Variants in NUSAP1 observed in about 807,000 individuals in gnomAD.
NUSAP1 encodes the protein nucleolar and spindle-associated protein 1.
In NUSAP1, 32 loss-of-function variants were observed where a neutral mutation model predicts 52.8. The observed-to-expected ratio is 0.61, with a 90% CI of 0.46 to 0.81. NUSAP1 has a LOEUF of 0.81. NUSAP1 is among the 40% of genes least tolerant of loss of function. NUSAP1 has a pLI of 0.00. For synonymous variants in NUSAP1, 195 were observed against 183.1 expected (o/e 1.06, Z -0.52); for missense variants, 499 against 522.3 (o/e 0.96, Z 0.43).
chr15:41,350,624 C>T (rs779016266), intron 3 of NUSAP1, among the ~76,000 whole-genome samples: 22 of 152,058 alleles, frequency 1.4e-4, no homozygotes, highest in Non-Finnish European at 3.2e-4. Flanking sequence ...CTTGCCTTGC[C>T]ACATTCTGGG....
At chr15:41,377,556 G>A (rs2049999627) in intron 10 of NUSAP1, among the ~76,000 whole-genome samples, 1 of 151,492 alleles carries the variant, frequency 6.6e-6, no homozygotes, top group Admixed American at 6.6e-5. Context: ...AAAATTAGCT[G>A]GGCATGGTGG....
intron 8 of NUSAP1, among the ~76,000 whole-genome samples, chr15:41,375,364 T>TG (rs2049882552): frequency 6.6e-6 from 1 of 152,020 alleles, no homozygotes; most frequent in Non-Finnish European, 1.5e-5. Flanking sequence ...TTAGTAGAGA[T>TG]GGGGTTTCTC....
chr15:41,365,065 A>C (rs55643943), intron 6 of NUSAP1, among the ~76,000 whole-genome samples: 2,357 of 152,276 alleles, frequency 0.015, 73 homozygotes, highest in African/African-American at 0.055. Flanking sequence ...AAAGATTCCA[A>C]ATGGAGTTAC....
intron 2 of NUSAP1, among the ~76,000 whole-genome samples, chr15:41,343,617 G>C (rs185532099): frequency 5.0e-4 from 76 of 152,178 alleles, no homozygotes; most frequent in African/African-American, 1.8e-3. Context: ...GCCTCCCAAA[G>C]TGCTGGGATT....
chr15:41,360,262 C>G (rs1239614358), intron 6 of NUSAP1, among the ~76,000 whole-genome samples: 2 of 152,076 alleles, frequency 1.3e-5, no homozygotes, highest in Non-Finnish European at 2.9e-5. Context: ...CCTCAGCCTC[C>G]CAAGTACCTG....
chr15:41,349,451 T>A (rs781179158), intron 3 of NUSAP1: 13 of 460,028 alleles, frequency 2.8e-5, no homozygotes, highest in Non-Finnish European at 4.7e-5. Context: ...AGTATTAAGC[T>A]CACATTAAAT....
intron 1 of NUSAP1, among the ~76,000 whole-genome samples, chr15:41,341,836 A>G (rs2048377213): frequency 6.6e-6 from 1 of 152,116 alleles, no homozygotes; most frequent in African/African-American, 2.4e-5. Flanking sequence ...AGTAAAGTTC[A>G]TACTCTTTAA....
chr15:41,350,641 T>C (rs745970797), intron 3 of NUSAP1, among the ~76,000 whole-genome samples: 1 of 152,120 alleles, frequency 6.6e-6, no homozygotes, highest in Non-Finnish European at 1.5e-5. Flanking sequence ...TGGGCCTTAG[T>C]TTTTACTTTT....
At chr15:41,365,634 T>A (rs1225494791) in intron 7 of NUSAP1, 45 bp downstream of exon 7, 3 of 1,464,608 alleles carry the variant, frequency 2.0e-6, no homozygotes, top group Non-Finnish European at 2.7e-6. Context: ...AGATTTCACA[T>A]GGACTATATA....
chr15:41,366,897 T>C (rs1393587461), intron 7 of NUSAP1, among the ~76,000 whole-genome samples: 1 of 152,226 alleles, frequency 6.6e-6, no homozygotes, highest in Non-Finnish European at 1.5e-5. Flanking sequence ...CATACTCATA[T>C]GAATAGGTCT....
chr15:41,380,114 C>T lies in NUSAP1; in HGVS notation c.1254C>T (p.Arg418=), dbSNP rs187207613. 8.2e-6 allele frequency: 13 copies of T among 1,586,164 alleles called. No homozygotes were observed. The highest frequency in any genetic ancestry group is 5.4e-5 in the Admixed American group (3 of 55,442). ...TCAGGGAAGAGCAACGGAAGAAACG[C>T]GAGCAAGAACGAAAGGAGAAGAAAG... ...LQTKEEQRKK[R]EQERKEKKAK... is the part of the protein sequence containing the mutation. Residue 418 remains arginine, a synonymous_variant, in exon 11 of 11, where the codon CGC becomes CGT. Coordinates refer to ENST00000559596, the MANE Select transcript of NUSAP1 (RefSeq NM_016359.5).
intron 1 of NUSAP1, among the ~76,000 whole-genome samples, chr15:41,340,241 G>T (rs912672084): frequency 6.6e-6 from 1 of 151,944 alleles, no homozygotes; most frequent in Non-Finnish European, 1.5e-5. Context: ...TGTTCTTGGC[G>T]CTCGCTCTGC....
intron 1 of NUSAP1, among the ~76,000 whole-genome samples, chr15:41,336,648 G>GTTTTTTTTTTTT (rs75426159): frequency 0.01 from 915 of 91,258 alleles, 56 homozygotes; most frequent in African/African-American, 0.035. Flanking sequence ...CCTCCTTTTG[G>GTTTTTTTTTTTT]TTTTTTTTTT....
chr15:41,346,498 G>C (rs1380820929), intron 2 of NUSAP1, among the ~76,000 whole-genome samples: 2 of 151,686 alleles, frequency 1.3e-5, no homozygotes. Context: ...TGTAGAGACT[G>C]GGGTCTCATT....
At chr15:41,337,509 T>C (rs902656978) in intron 1 of NUSAP1, among the ~76,000 whole-genome samples, 1 of 152,326 alleles carries the variant, frequency 6.6e-6, no homozygotes, top group African/African-American at 2.4e-5. Context: ...CCATAAGGCA[T>C]GCAATCATGT....
At chr15:41,344,897 C>A (rs540889657) in intron 2 of NUSAP1, among the ~76,000 whole-genome samples, 1 of 152,098 alleles carries the variant, frequency 6.6e-6, no homozygotes, top group Admixed American at 6.6e-5. Flanking sequence ...GCCAAGATTA[C>A]GCCGCTGCAT....
intron 1 of NUSAP1, among the ~76,000 whole-genome samples, chr15:41,339,844 C>T (rs546540171): frequency 1.0e-4 from 15 of 149,466 alleles, no homozygotes; most frequent in South Asian, 4.3e-4. Flanking sequence ...TGCAGTGGTG[C>T]GATTCCGGCT....
Position 41,375,824 on chromosome 15 carries a change from C to G in NUSAP1, c.1119C>G (p.His373Gln). 1.3e-6 allele frequency: 2 copies of G among 1,598,960 alleles called. No individual in the cohort carries two copies. Among genetic ancestry groups the G allele is most frequent in the Non-Finnish European group, 1.7e-6 (2 of 1,166,230 alleles). The change falls in exon 9 of 11, where the codon CAC (histidine) becomes CAG (glutamine). Residue 373 changes from histidine (H) to glutamine (Q), a missense_variant. By Grantham distance (24) the His-to-Gln change is conservative. Transcript: ENST00000559596. Reference sequence around the variant, plus strand: ...CTCGTCCCCTCAACTATGAACCACACAAAGGTATGTGGGAGTGTTTTGAGC... The same window carrying G: ...CTCGTCCCCTCAACTATGAACCACAGAAAGGTATGTGGGAGTGTTTTGAGC... ...SLSRPLNYEP[H>Q]KGKLKPWGQS...
Position 41,377,791 on chromosome 15 carries a change from T to TGAG in NUSAP1, c.1232+487_1232+488insGAG, listed in dbSNP as rs1418773672. On this transcript the variant is annotated intron_variant, in intron 10 of 10. Transcript: ENST00000559596. ...AGGCCGAGGGGGGCAGATCACGAGGTCAGATCGAGACCATCCTGGCTAACG... is the reference window on the plus strand; with the variant it reads ...AGGCCGAGGGGGGCAGATCACGAGGTGAGCAGATCGAGACCATCCTGGCTAACG... Among the ~76,000 whole-genome samples, 47 of 143,136 alleles carry TGAG rather than the reference T, an allele frequency of 3.3e-4. 1 individual carries two copies. The East Asian group carries it at 9.5e-3, about 29-fold the overall frequency. The allele number at this position is 143,136 out of a possible 152,430, so 93.9% of individuals were successfully genotyped here.
Sources: gnomAD v4.1 joint callset for allele counts (sites outside exome capture counted in the v4.1 genomes callset) on GRCh38, gnomAD v4.1.1 for gene constraint, MANE v1.5 for transcripts, NCBI Gene and HGNC (gene_info 2026-07-23, HGNC 2026-07-21) for gene names.